RAB3C: variants seen among roughly 807,000 people sequenced by gnomAD.
RAB3C encodes ras-related protein Rab-3C.
A neutral mutation model predicts 26.4 loss-of-function variants in RAB3C; 17 were observed. That is an observed-to-expected ratio of 0.64 (90% CI 0.44 to 0.97). The LOEUF (loss-of-function observed/expected upper bound fraction) is 0.97. Ranked by LOEUF, RAB3C falls within the 50% of genes least tolerant of loss-of-function variation. RAB3C has a pLI of 0.00. For missense variants in RAB3C, 242 were observed against 281.9 expected (o/e 0.86, Z 1.01); for synonymous variants, 91 against 95.9 (o/e 0.95, Z 0.30).
At chr5:58,713,303 A>T (rs1229687877) in intron 2 of RAB3C, among the ~76,000 whole-genome samples, 1 of 152,204 alleles carries the variant, frequency 6.6e-6, no homozygotes, top group Non-Finnish European at 1.5e-5. Context: ...AACCATTTTT[A>T]CCATCTTTTG....
At chr5:58,843,646 T>A (rs1411231410) in intron 4 of RAB3C, among the ~76,000 whole-genome samples, 1 of 152,240 alleles carries the variant, frequency 6.6e-6, no homozygotes, top group Non-Finnish European at 1.5e-5. Flanking sequence ...CGATCTTGCA[T>A]TTCTTCAAAT....
At chr5:58,635,826 G>A (rs1747278591) in intron 2 of RAB3C, among the ~76,000 whole-genome samples, 1 of 152,198 alleles carries the variant, frequency 6.6e-6, no homozygotes, top group East Asian at 1.9e-4. Context: ...GGAGGGAAGA[G>A]TTCACTAGAT....
At chr5:58,655,895 A>T (rs956685859) in intron 2 of RAB3C, among the ~76,000 whole-genome samples, 4 of 141,986 alleles carry the variant, frequency 2.8e-5, no homozygotes, top group Non-Finnish European at 1.5e-5. Context: ...TCCCGGGTTC[A>T]CGCCTTTCTC....
chr5:58,724,612 T>C (rs2111917757), intron 2 of RAB3C, among the ~76,000 whole-genome samples: 1 of 151,988 alleles, frequency 6.6e-6, no homozygotes, highest in Middle Eastern at 3.4e-3. Context: ...CTTTTTATTT[T>C]GTTTTCTATA....
At chr5:58,739,447 A>C (rs1181029732) in intron 3 of RAB3C, among the ~76,000 whole-genome samples, 1 of 152,220 alleles carries the variant, frequency 6.6e-6, no homozygotes, top group Non-Finnish European at 1.5e-5. Flanking sequence ...TTTGCAGTGC[A>C]GTTAATTAAG....
chr5:58,660,325 C>T lies in RAB3C; in HGVS notation c.252+42455C>T, dbSNP rs576608652. 8.7e-5 allele frequency among the ~76,000 whole-genome samples: 13 copies of T among 149,958 alleles called. 2 individuals carry two copies. Among genetic ancestry groups the T allele is most frequent in the African/African-American group, 3.3e-4 (13 of 39,416 alleles). On this transcript the variant is annotated intron_variant, in intron 2 of 4. Coordinates refer to ENST00000282878, the MANE Select transcript of RAB3C (RefSeq NM_138453.4). ...TTTGAAAAGTAAAAGATGAAATAGT[C>T]CCTGAGACTGACAGTTACTATGTGG...
At chr5:58,842,181 T>A (rs1339162036) in intron 4 of RAB3C, among the ~76,000 whole-genome samples, 1 of 152,216 alleles carries the variant, frequency 6.6e-6, no homozygotes, top group African/African-American at 2.4e-5. Flanking sequence ...GAAATTTTTA[T>A]CATTTATTAG....
At chr5:58,671,944 GA>G (rs997074697) in intron 2 of RAB3C, among the ~76,000 whole-genome samples, 10 of 151,766 alleles carry the variant, frequency 6.6e-5, no homozygotes, top group Middle Eastern at 3.4e-3. Flanking sequence ...AAAAGTTCTA[GA>G]AAAAAAACTT....
chr5:58,639,120 AATGGACAATTCTGG>A (rs1747355457), intron 2 of RAB3C, among the ~76,000 whole-genome samples: 3 of 152,200 alleles, frequency 2.0e-5, no homozygotes, highest in African/African-American at 7.2e-5. Context: ...CCCTCTTTCG[AATGGACAATTCTGG>A]AAAGCTTTCT....
intron 3 of RAB3C, among the ~76,000 whole-genome samples, chr5:58,778,440 T>C (rs1318587503): frequency 1.3e-5 from 2 of 152,114 alleles, no homozygotes; most frequent in Non-Finnish European, 2.9e-5. Flanking sequence ...CTTCATCTTA[T>C]GTAGAGTCAT....
At chr5:58,836,028 C>G (rs1429333923) in intron 4 of RAB3C, among the ~76,000 whole-genome samples, 1 of 152,170 alleles carries the variant, frequency 6.6e-6, no homozygotes, top group East Asian at 1.9e-4. Flanking sequence ...ATCACACTAA[C>G]CAAACTCACA....
At chr5:58,627,285 A>G (rs1391913516) in intron 2 of RAB3C, among the ~76,000 whole-genome samples, 1 of 152,076 alleles carries the variant, frequency 6.6e-6, no homozygotes, top group Non-Finnish European at 1.5e-5. Flanking sequence ...GGTCACCTGT[A>G]GTTATTTTTC....
At chr5:58,844,135 T>C (rs1364569153) in intron 4 of RAB3C, among the ~76,000 whole-genome samples, 2 of 152,148 alleles carry the variant, frequency 1.3e-5, no homozygotes, top group African/African-American at 2.4e-5. Context: ...ATGAGGGGTG[T>C]TTGCTTTTGG....
chr5:58,785,709 G>A (rs894162714), intron 3 of RAB3C, among the ~76,000 whole-genome samples: 2 of 152,230 alleles, frequency 1.3e-5, no homozygotes, highest in African/African-American at 4.8e-5. Context: ...AATGTGTTAT[G>A]TTATTTGAAA....
intron 4 of RAB3C, among the ~76,000 whole-genome samples, chr5:58,845,606 A>ATGTG (rs1196545407): frequency 1.8e-5 from 1 of 56,544 alleles, no homozygotes; most frequent in Admixed American, 1.7e-4. Context: ...ATATATATAT[A>ATGTG]TATATATGTG....
intron 3 of RAB3C, among the ~76,000 whole-genome samples, chr5:58,728,075 G>A (rs1740928849): frequency 6.6e-6 from 1 of 151,738 alleles, no homozygotes; most frequent in South Asian, 2.1e-4. Flanking sequence ...CTGCCCCAAG[G>A]CATATAGATT....
chr5:58,783,042 A>T (rs1461252284), intron 3 of RAB3C, among the ~76,000 whole-genome samples: 1 of 152,016 alleles, frequency 6.6e-6, no homozygotes, highest in African/African-American at 2.4e-5. Flanking sequence ...CTGCATTTTC[A>T]TAACTCTTCC....
At chr5:58,648,325 G>A (rs200817859) in intron 2 of RAB3C, among the ~76,000 whole-genome samples, 3 of 152,056 alleles carry the variant, frequency 2.0e-5, no homozygotes, top group East Asian at 1.9e-4. Context: ...ACACTTATTC[G>A]ATGAGTCCCG....
intron 2 of RAB3C, among the ~76,000 whole-genome samples, chr5:58,709,406 A>T (rs181671804): frequency 6.6e-6 from 1 of 152,318 alleles, no homozygotes; most frequent in African/African-American, 2.4e-5. Flanking sequence ...AGGCGAGTCC[A>T]CAATTCACAG....
Sources: allele counts gnomAD v4.1 joint callset (sites outside exome capture counted in the v4.1 genomes callset), GRCh38; gene constraint gnomAD v4.1.1; transcripts MANE v1.5; gene names NCBI Gene and HGNC (gene_info 2026-07-23, HGNC 2026-07-21).